KCNH8: variants seen among roughly 807,000 people sequenced by gnomAD.
KCNH8 encodes the protein voltage-gated delayed rectifier potassium channel KCNH8.
In KCNH8, 70 loss-of-function variants were observed where a neutral mutation model predicts 103.6. That is an observed-to-expected ratio of 0.68 (90% CI 0.56 to 0.82). The LOEUF (loss-of-function observed/expected upper bound fraction) is 0.82. Ranked by LOEUF, KCNH8 falls within the 40% of genes least tolerant of loss-of-function variation. KCNH8 has a pLI of 0.00. For missense variants in KCNH8, 1,217 were observed against 1,329.9 expected (o/e 0.92, Z 1.32); for synonymous variants, 498 against 489.4 (o/e 1.02, Z -0.23).
intron 6 of KCNH8, among the ~76,000 whole-genome samples, chr3:19,394,485 GAA>G (rs1446412471): frequency 2.1e-5 from 3 of 144,300 alleles, no homozygotes; most frequent in African/African-American, 5.0e-5. Flanking sequence ...CTGAGAGAGA[GAA>G]AGAGAGAGAG....
chr3:19,424,984 A>T (rs1288678365), intron 7 of KCNH8, among the ~76,000 whole-genome samples: 1 of 149,816 alleles, frequency 6.7e-6, no homozygotes, highest in Non-Finnish European at 1.5e-5. Flanking sequence ...TTTCCCTGTT[A>T]CACACACACA....
chr3:19,264,009 C>T (rs1213042800), intron 2 of KCNH8, among the ~76,000 whole-genome samples: 1 of 152,014 alleles, frequency 6.6e-6, no homozygotes, highest in Non-Finnish European at 1.5e-5. Flanking sequence ...TTGCTTTCTC[C>T]AGCTTGATTC....
intron 2 of KCNH8, among the ~76,000 whole-genome samples, chr3:19,263,330 CTACTT>C (rs1372503792): frequency 1.3e-5 from 2 of 152,042 alleles, no homozygotes; most frequent in Non-Finnish European, 2.9e-5. Flanking sequence ...TTATGACAAA[CTACTT>C]TAGGAACTAG....
chr3:19,161,965 T>A (rs192832204), intron 1 of KCNH8, among the ~76,000 whole-genome samples: 6 of 152,316 alleles, frequency 3.9e-5, no homozygotes, highest in Non-Finnish European at 5.9e-5. Context: ...TTCTTTTTTT[T>A]AATGCCTGTT....
chr3:19,200,551 A>G (rs2063647620), intron 1 of KCNH8, among the ~76,000 whole-genome samples: 1 of 151,532 alleles, frequency 6.6e-6, no homozygotes, highest in African/African-American at 2.4e-5. Flanking sequence ...TTATCAGGGC[A>G]TAATCAGTGT....
rs542785250 is a variant in KCNH8 at position 19,365,568 on chromosome 3, A to G, written c.811+17603A>G. Among the ~76,000 whole-genome samples the G allele has an allele frequency of 2.6e-5, 4 of 152,202 alleles. No homozygotes were observed. The South Asian group carries it at 8.3e-4, about 32-fold the overall frequency. On this transcript the variant is annotated intron_variant, in intron 5 of 15. Transcript: ENST00000328405. ...CACTTAAATATAAAAATCGTAATGA[A>G]CATCTCTATGAAAAATATATTTATT...
chr3:19,514,619 CT>C lies in KCNH8; in HGVS notation c.2436-692del, dbSNP rs536100818. Among the ~76,000 whole-genome samples the C allele has an allele frequency of 6.6e-3, 947 of 144,438 alleles. 6 individuals carry two copies. Among genetic ancestry groups the C allele is most frequent in the African/African-American group, 0.019 (741 of 39,706 alleles). 94.8% of individuals were successfully genotyped at this position (144,438 alleles called of 152,430 possible). A position where few individuals can be genotyped will look rare whatever the true frequency, so the allele number is the denominator to read the frequency against. On this transcript the variant is annotated intron_variant, in intron 13 of 15. Transcript: ENST00000328405. ...TTATGTTTAAATTTTCTACAATAGA[CT>C]TTTTTTTTTTAAATAATGAGTGGGT...
intron 7 of KCNH8, among the ~76,000 whole-genome samples, chr3:19,436,357 T>TA (rs2067199639): frequency 6.6e-6 from 1 of 152,104 alleles, no homozygotes; most frequent in South Asian, 2.1e-4. Flanking sequence ...TTCTCCAGCA[T>TA]AAAAAAATGA....
At chr3:19,153,009 A>G (rs1019826196) in intron 1 of KCNH8, among the ~76,000 whole-genome samples, 1 of 150,680 alleles carries the variant, frequency 6.6e-6, no homozygotes, top group African/African-American at 2.5e-5. Context: ...GGAAATTCTC[A>G]GTGGTTTTTT....
chr3:19,238,980 A>ATACAGGACTAACT (rs1408230925), intron 1 of KCNH8, among the ~76,000 whole-genome samples: 1 of 152,120 alleles, frequency 6.6e-6, no homozygotes, highest in African/African-American at 2.4e-5. Flanking sequence ...AATTATTAGA[A>ATACAGGACTAACT]TACAGGACTA....
At chr3:19,487,109 G>A (rs981039744) in intron 11 of KCNH8, among the ~76,000 whole-genome samples, 6 of 152,176 alleles carry the variant, frequency 3.9e-5, no homozygotes, top group African/African-American at 7.2e-5. Flanking sequence ...TTGAGCCAGG[G>A]CCTCCCTGAA....
intron 2 of KCNH8, among the ~76,000 whole-genome samples, chr3:19,270,940 G>A (rs1257487930): frequency 6.6e-6 from 1 of 151,786 alleles, no homozygotes; most frequent in African/African-American, 2.4e-5. Flanking sequence ...CACTGCATTT[G>A]TCTAACCTTT....
At chr3:19,234,107 T>G (rs940298230) in intron 1 of KCNH8, among the ~76,000 whole-genome samples, 1 of 152,168 alleles carries the variant, frequency 6.6e-6, no homozygotes, top group Non-Finnish European at 1.5e-5. Context: ...TCCTGCTGAT[T>G]GGTAGGGCCC....
At chr3:19,285,895 A>C (rs572994522) in intron 3 of KCNH8, among the ~76,000 whole-genome samples, 36 of 152,226 alleles carry the variant, frequency 2.4e-4, no homozygotes, top group Non-Finnish European at 5.0e-4. Context: ...ACAAGGAAGC[A>C]AGATAGAGCG....
intron 11 of KCNH8, among the ~76,000 whole-genome samples, chr3:19,493,581 T>C (rs965660060): frequency 1.3e-5 from 2 of 152,148 alleles, no homozygotes; most frequent in South Asian, 2.1e-4. Flanking sequence ...GAGTCAATTA[T>C]ACCCCTTTTC....
chr3:19,335,718 A>G (rs913918605), intron 3 of KCNH8, among the ~76,000 whole-genome samples: 1 of 151,700 alleles, frequency 6.6e-6, no homozygotes, highest in African/African-American at 2.4e-5. Flanking sequence ...TTCTTTCCAC[A>G]TTACTGGTCT....
At chr3:19,271,250 T>C (rs1199273492) in intron 2 of KCNH8, among the ~76,000 whole-genome samples, 2 of 152,160 alleles carry the variant, frequency 1.3e-5, no homozygotes, top group Non-Finnish European at 1.5e-5. Context: ...GACTTCAGTT[T>C]ACTGAACCAC....
At chr3:19,184,066 C>G (rs542212680) in intron 1 of KCNH8, among the ~76,000 whole-genome samples, 18 of 152,026 alleles carry the variant, frequency 1.2e-4, no homozygotes, top group South Asian at 4.1e-4. Context: ...TTTGACAGAA[C>G]AATTCCACTT....
At chr3:19,517,094 G>A (rs912900003) in intron 14 of KCNH8, among the ~76,000 whole-genome samples, 6 of 151,924 alleles carry the variant, frequency 3.9e-5, no homozygotes, top group Admixed American at 6.6e-5. Flanking sequence ...TTACAAGCAT[G>A]AGCCACCATG....
Sources: gnomAD v4.1 joint callset for allele counts (sites outside exome capture counted in the v4.1 genomes callset) on GRCh38, gnomAD v4.1.1 for gene constraint, MANE v1.5 for transcripts, NCBI Gene and HGNC (gene_info 2026-07-23, HGNC 2026-07-21) for gene names.